Variants in GPC5 observed in about 807,000 individuals in gnomAD.
GPC5 encodes the protein glypican-5.
GPC5 carries 47 observed loss-of-function variants against 53.9 expected under a neutral mutation model. The ratio of observed to expected loss-of-function variants is 0.87; its 90% CI spans 0.69 to 1.11. The LOEUF is 1.11. GPC5 is among the 50% of genes most tolerant of loss of function. GPC5 has a pLI of 0.00. For missense variants in GPC5, 748 were observed against 713.1 expected, an observed-to-expected ratio of 1.05 and a Z score of -0.56; for synonymous variants, 286 against 263.3, an observed-to-expected ratio of 1.09 and a Z score of -0.84.
intron 5 of GPC5, among the ~76,000 whole-genome samples, chr13:91,897,086 A>T (rs2039450137): frequency 6.6e-6 from 1 of 152,030 alleles, no homozygotes; most frequent in Non-Finnish European, 1.5e-5. Context: ...TTTAAAATAT[A>T]TAAATTTTTA....
intron 2 of GPC5, among the ~76,000 whole-genome samples, chr13:91,660,876 A>G (rs893662464): frequency 6.6e-6 from 1 of 152,178 alleles, no homozygotes; most frequent in African/African-American, 2.4e-5. Context: ...CCACTGGCTA[A>G]AAAAATCTCT....
chr13:91,952,503 A>G (rs559491271), intron 6 of GPC5, among the ~76,000 whole-genome samples: 7 of 152,268 alleles, frequency 4.6e-5, no homozygotes, highest in African/African-American at 1.7e-4. Flanking sequence ...AGATAAATAC[A>G]AATATCAATA....
At chr13:92,678,453 C>T (rs73623489) in intron 7 of GPC5, among the ~76,000 whole-genome samples, 147 of 152,184 alleles carry the variant, frequency 9.7e-4, no homozygotes, top group African/African-American at 3.4e-3. Context: ...CCATCAAGGA[C>T]TTGAAGGAGA....
In GPC5 at chr13:91,943,645, C is replaced by T. The variant is rs575916210; in HGVS notation, c.1401+35588C>T. Among the ~76,000 whole-genome samples, 5 of 152,216 alleles carry T rather than the reference C, an allele frequency of 3.3e-5. No individual in the cohort carries two copies. In the South Asian group the frequency reaches 1.0e-3, roughly 32 times the overall value. Reference sequence around the variant, plus strand: ...GGATTAACTGAGGTGAAAGTGATACCTGGTAGAAGTTTCACTAATACAAGT... The same window carrying T: ...GGATTAACTGAGGTGAAAGTGATACTTGGTAGAAGTTTCACTAATACAAGT... On this transcript the variant is annotated intron_variant, in intron 6 of 7. Coordinates refer to ENST00000377067, the MANE Select transcript of GPC5 (RefSeq NM_004466.6).
At chr13:92,222,197 C>T (rs1456817399) in intron 7 of GPC5, among the ~76,000 whole-genome samples, 3 of 152,248 alleles carry the variant, frequency 2.0e-5, no homozygotes, top group South Asian at 2.1e-4. Context: ...GTGACAAAAG[C>T]CCTCAGAGCA....
intron 4 of GPC5, among the ~76,000 whole-genome samples, chr13:91,743,641 A>G (rs1462724670): frequency 6.6e-6 from 1 of 152,174 alleles, no homozygotes; most frequent in African/African-American, 2.4e-5. Flanking sequence ...AAGCTGCCAG[A>G]TCCACCACAA....
intron 6 of GPC5, among the ~76,000 whole-genome samples, chr13:91,957,295 T>G (rs1566362795): frequency 6.6e-6 from 1 of 152,178 alleles, no homozygotes; most frequent in African/African-American, 2.4e-5. Context: ...AAAAACGTTT[T>G]TAAGTGAACA....
At chr13:91,727,144 T>C (rs571562935) in intron 3 of GPC5, among the ~76,000 whole-genome samples, 1 of 152,352 alleles carries the variant, frequency 6.6e-6, no homozygotes, top group East Asian at 1.9e-4. Flanking sequence ...ACTGTGTACA[T>C]GAGGCCATGC....
At chr13:91,814,891 C>T (rs1260948377) in intron 5 of GPC5, among the ~76,000 whole-genome samples, 5 of 152,220 alleles carry the variant, frequency 3.3e-5, no homozygotes, top group African/African-American at 4.8e-5. Context: ...TAGGAAACAC[C>T]TATGGTTCAG....
chr13:92,679,274 G>A lies in GPC5; in HGVS notation c.1562-187008G>A, dbSNP rs148946729. Among the ~76,000 whole-genome samples, 239 of 152,252 alleles carry A rather than the reference G, an allele frequency of 1.6e-3. 2 individuals carry two copies. The highest frequency in any genetic ancestry group is 6.2e-3 in the South Asian group (30 of 4,824). On this transcript the variant is annotated intron_variant, in intron 7 of 7. Coordinates refer to ENST00000377067, the MANE Select transcript of GPC5 (RefSeq NM_004466.6). The stretch of plus-strand genomic sequence containing the variant: ...CCCTTGGTAAATTTCACAGGAATGA[G>A]GATTTGACTAACCTGTTGTTCTCAG...
At chr13:91,463,671 G>T (rs1249208788) in intron 2 of GPC5, among the ~76,000 whole-genome samples, 1 of 152,058 alleles carries the variant, frequency 6.6e-6, no homozygotes, top group Non-Finnish European at 1.5e-5. Context: ...AGGTACAAAG[G>T]CTATTCAATG....
At chr13:92,753,970 T>C (rs1427944362) in intron 7 of GPC5, among the ~76,000 whole-genome samples, 2 of 143,846 alleles carry the variant, frequency 1.4e-5, no homozygotes, top group Admixed American at 7.3e-5. Flanking sequence ...ATTCAGGAAA[T>C]ACAGAGAACG....
chr13:92,802,491 A>T (rs1876944920), intron 7 of GPC5, among the ~76,000 whole-genome samples: 1 of 151,890 alleles, frequency 6.6e-6, no homozygotes, highest in African/African-American at 2.4e-5. Context: ...ATAAAGACAC[A>T]TGCACACGTA....
At chr13:92,065,918 G>A (rs1455250616) in intron 6 of GPC5, among the ~76,000 whole-genome samples, 1 of 151,988 alleles carries the variant, frequency 6.6e-6, no homozygotes, top group African/African-American at 2.4e-5. Flanking sequence ...ATTGTGAATA[G>A]CCTGAAAGAC....
chr13:92,105,385 T>G (rs1370066691), intron 6 of GPC5, among the ~76,000 whole-genome samples: 1 of 152,142 alleles, frequency 6.6e-6, no homozygotes, highest in Non-Finnish European at 1.5e-5. Context: ...CACTGCAAAT[T>G]AACTATTAAC....
chr13:92,464,030 C>T (rs772909732), intron 7 of GPC5, among the ~76,000 whole-genome samples: 3 of 152,116 alleles, frequency 2.0e-5, no homozygotes, highest in Non-Finnish European at 4.4e-5. Flanking sequence ...GTGTATATAT[C>T]GTTTCAACTA....
intron 5 of GPC5, among the ~76,000 whole-genome samples, chr13:91,771,949 A>G (rs1424022522): frequency 2.0e-5 from 3 of 152,194 alleles, no homozygotes; most frequent in Non-Finnish European, 4.4e-5. Context: ...TTGAGAAATG[A>G]ATTGCATAAA....
chr13:91,941,939 T>G (rs2039931087), intron 6 of GPC5, among the ~76,000 whole-genome samples: 1 of 152,184 alleles, frequency 6.6e-6, no homozygotes, highest in Non-Finnish European at 1.5e-5. Context: ...GTTGTACTTC[T>G]TGATGGTGTG....
intron 7 of GPC5, among the ~76,000 whole-genome samples, chr13:92,496,177 G>A (rs545928395): frequency 4.6e-5 from 7 of 151,948 alleles, no homozygotes; most frequent in African/African-American, 1.2e-4. Flanking sequence ...TTTATAATTC[G>A]AATATAATTA....
Sources: allele counts gnomAD v4.1 joint callset (sites outside exome capture counted in the v4.1 genomes callset), GRCh38; gene constraint gnomAD v4.1.1; transcripts MANE v1.5; gene names NCBI Gene and HGNC (gene_info 2026-07-23, HGNC 2026-07-21).